SPIDR: variants seen among roughly 807,000 people sequenced by gnomAD.
SPIDR encodes DNA repair-scaffolding protein.
In SPIDR, 93 loss-of-function variants were observed where a neutral mutation model predicts 104.6. The ratio of observed to expected loss-of-function variants is 0.89; its 90% CI spans 0.75 to 1.06. The LOEUF (loss-of-function observed/expected upper bound fraction) is 1.06, where lower values mean the gene tolerates loss of function less well. Among genes scored for constraint, SPIDR ranks in the 50% least tolerant of loss-of-function variants. The probability of loss-of-function intolerance (pLI) is 0.00; values close to 1 mark genes in which losing one functional copy is unlikely to be tolerated. For missense variants in SPIDR, 1,154 were observed against 1,111.2 expected (o/e 1.04, Z -0.55); for synonymous variants, 431 against 416.9 (o/e 1.03, Z -0.41).
At chr8:47,441,919 C>G (rs572811138) in intron 8 of SPIDR, among the ~76,000 whole-genome samples, 10 of 152,130 alleles carry the variant, frequency 6.6e-5, no homozygotes, top group Non-Finnish European at 1.5e-4. Context: ...TTTCTTCATA[C>G]AATTTTAATG....
intron 11 of SPIDR, among the ~76,000 whole-genome samples, chr8:47,696,615 G>T (rs2079370055): frequency 6.6e-6 from 1 of 152,202 alleles, no homozygotes; most frequent in South Asian, 2.1e-4. Context: ...CTGTCAGCCT[G>T]CAGAAGGCAC....
intron 7 of SPIDR, among the ~76,000 whole-genome samples, chr8:47,438,783 A>C (rs1202280721): frequency 6.6e-6 from 1 of 152,234 alleles, no homozygotes; most frequent in Non-Finnish European, 1.5e-5. Context: ...AGGGGAGGCA[A>C]GGTGGCCCAG....
chr8:47,375,233 CTTTT>C (rs869038432), intron 5 of SPIDR, among the ~76,000 whole-genome samples: 11 of 53,382 alleles, frequency 2.1e-4, no homozygotes, highest in Admixed American at 1.7e-3. Flanking sequence ...AGTTAATAGG[CTTTT>C]TTTTTTTTTT....
At chr8:47,692,280 A>G (rs1227467469) in intron 11 of SPIDR, among the ~76,000 whole-genome samples, 1 of 152,040 alleles carries the variant, frequency 6.6e-6, no homozygotes, top group African/African-American at 2.4e-5. Flanking sequence ...GCACATTTTC[A>G]TCACCTCAGA....
At chr8:47,317,790 G>A (rs904410322) in intron 5 of SPIDR, among the ~76,000 whole-genome samples, 15 of 152,070 alleles carry the variant, frequency 9.9e-5, no homozygotes, top group Non-Finnish European at 1.6e-4. Flanking sequence ...CCTGCTCACC[G>A]GTATCCGCTG....
In SPIDR at chr8:47,570,829, A is replaced by G. The variant is rs544137339; in HGVS notation, c.1098-24982A>G. 5.7e-4 allele frequency among the ~76,000 whole-genome samples: 87 copies of G among 152,348 alleles called. 1 individual carries two copies. The Middle Eastern group carries it at 0.01, about 18-fold the overall frequency. On this transcript the variant is annotated intron_variant, in intron 8 of 19. Transcript: ENST00000297423. ...AGGTTTTAGCCGGGTGTGGTGGCTCACGCCTATAATCCCAGCACTTTGGAA... is the reference window on the plus strand; with the variant it reads ...AGGTTTTAGCCGGGTGTGGTGGCTCGCGCCTATAATCCCAGCACTTTGGAA...
intron 10 of SPIDR, among the ~76,000 whole-genome samples, chr8:47,672,864 G>A (rs894485110): frequency 1.3e-5 from 2 of 152,088 alleles, no homozygotes; most frequent in African/African-American, 4.8e-5. Flanking sequence ...TTTCAGACAG[G>A]ATATATTTCT....
rs761792229 is a variant in SPIDR, at chr8:47,685,517, A to ATTTATTTATTTT, written c.1685+11579_1685+11580insATTTATTTTTTT. Among the ~76,000 whole-genome samples, 7 of 130,098 alleles carry ATTTATTTATTTT rather than the reference A, an allele frequency of 5.4e-5. 1 individual carries two copies. The highest frequency in any genetic ancestry group is 1.2e-4 in the Non-Finnish European group (7 of 59,138). The allele number at this position is 130,098 out of a possible 152,430, so 85.3% of individuals were successfully genotyped here. A position where few individuals can be genotyped will look rare whatever the true frequency, so the allele number is the denominator to read the frequency against. On this transcript the variant is annotated intron_variant, in intron 11 of 19. Transcript: ENST00000297423. ...TATTTATTTATTTATTTATTTATTT[A>ATTTATTTATTTT]TTTTTTTGAGACAGTCTCTCTCTGT... is the stretch of plus-strand genomic sequence containing the variant.
chr8:47,495,314 T>A (rs1270485725), intron 8 of SPIDR, among the ~76,000 whole-genome samples: 1 of 151,878 alleles, frequency 6.6e-6, no homozygotes, highest in Non-Finnish European at 1.5e-5. Flanking sequence ...CTCCTTGTCC[T>A]CTGAGATGGT....
chr8:47,441,785 A>G (rs1273527200), intron 8 of SPIDR, among the ~76,000 whole-genome samples: 1 of 152,150 alleles, frequency 6.6e-6, no homozygotes, highest in Non-Finnish European at 1.5e-5. Flanking sequence ...AAATTTTTAC[A>G]TTTAAATCTT....
intron 10 of SPIDR, among the ~76,000 whole-genome samples, chr8:47,632,731 T>G (rs1181889102): frequency 6.6e-6 from 1 of 152,222 alleles, no homozygotes; most frequent in Non-Finnish European, 1.5e-5. Flanking sequence ...GTCTTTTGTT[T>G]AGTCTTGTTT....
chr8:47,396,184 C>G (rs2061227912), intron 5 of SPIDR, among the ~76,000 whole-genome samples, 192 bp from the exon 6 acceptor site: 1 of 152,052 alleles, frequency 6.6e-6, no homozygotes, highest in African/African-American at 2.4e-5. Context: ...TTGATTTAAC[C>G]CCTTCTTATC....
chr8:47,664,569 A>G (rs1563471428), intron 10 of SPIDR, among the ~76,000 whole-genome samples: 1 of 152,074 alleles, frequency 6.6e-6, no homozygotes, highest in African/African-American at 2.4e-5. Context: ...GAAGGGCTCA[A>G]TAGTAGGTTT....
intron 10 of SPIDR, among the ~76,000 whole-genome samples, chr8:47,609,382 T>C (rs2063349698): frequency 6.6e-6 from 1 of 152,248 alleles, no homozygotes; most frequent in Non-Finnish European, 1.5e-5. Flanking sequence ...TTTGCCCTTA[T>C]ATTTTGGTCT....
intron 8 of SPIDR, among the ~76,000 whole-genome samples, chr8:47,536,633 A>G (rs1564262450): frequency 2.0e-5 from 3 of 152,212 alleles, no homozygotes; most frequent in East Asian, 1.9e-4. Flanking sequence ...TCATAGACCT[A>G]AATGTAAAAT....
chr8:47,665,630 AGTT>A (rs761013245), intron 10 of SPIDR, among the ~76,000 whole-genome samples: 21 of 152,246 alleles, frequency 1.4e-4, no homozygotes, highest in Non-Finnish European at 1.8e-4. Flanking sequence ...TGTTAAGACT[AGTT>A]GTCTTAAAAT....
At chr8:47,330,470 G>C (rs997195430) in intron 5 of SPIDR, among the ~76,000 whole-genome samples, 1 of 152,148 alleles carries the variant, frequency 6.6e-6, no homozygotes, top group African/African-American at 2.4e-5. Flanking sequence ...ATGTCATACA[G>C]AGCAGTGACA....
At chr8:47,602,111 A>G (rs1053386614) in intron 10 of SPIDR, among the ~76,000 whole-genome samples, 3 of 152,244 alleles carry the variant, frequency 2.0e-5, no homozygotes, top group African/African-American at 7.2e-5. Flanking sequence ...TTATACATGT[A>G]CATGTAGCAC....
chr8:47,278,069 C>T (rs1237328537), intron 1 of SPIDR, among the ~76,000 whole-genome samples: 2 of 150,498 alleles, frequency 1.3e-5, no homozygotes, highest in African/African-American at 4.9e-5. Flanking sequence ...GCTACACATC[C>T]TTGGCAGTGC....
Sources: gnomAD v4.1 joint callset for allele counts (sites outside exome capture counted in the v4.1 genomes callset) on GRCh38, gnomAD v4.1.1 for gene constraint, MANE v1.5 for transcripts, NCBI Gene and HGNC (gene_info 2026-07-23, HGNC 2026-07-21) for gene names.